TAF2: variants seen among roughly 807,000 people sequenced by gnomAD.
TAF2 encodes the protein TATA-box binding protein associated factor 2.
Under a neutral mutation model 138.5 loss-of-function variants are expected in TAF2, and 61 were observed. The observed-to-expected ratio is 0.44, with a 90% confidence interval of 0.36 to 0.54. The LOEUF is 0.54. TAF2 is among the 20% of genes least tolerant of loss of function. TAF2 has a pLI of 0.00. For missense variants in TAF2, 1,090 were observed against 1,427.9 expected (o/e 0.76, Z 3.81); for synonymous variants, 475 against 469.9 (o/e 1.01, Z -0.14).
intron 3 of TAF2, among the ~76,000 whole-genome samples, chr8:119,816,602 TAACAG>T (rs1825495168): frequency 6.6e-6 from 1 of 152,220 alleles, no homozygotes; most frequent in South Asian, 2.1e-4. Context: ...TAGAAATAAG[TAACAG>T]AAGCATCTAG....
intron 22 of TAF2, among the ~76,000 whole-genome samples, chr8:119,748,066 G>C (rs1210134015): frequency 6.6e-6 from 1 of 151,970 alleles, no homozygotes; most frequent in Non-Finnish European, 1.5e-5. Context: ...AGAGGCTGCA[G>C]TGAGCCAAGA....
chr8:119,797,839 T>C lies in TAF2; in HGVS notation c.800A>G (p.His267Arg), dbSNP rs766765578. 2 of 1,613,304 alleles carry C rather than the reference T, an allele frequency of 1.2e-6. No individual in the cohort carries two copies. The highest frequency in any genetic ancestry group is 8.5e-7 in the Non-Finnish European group (1 of 1,179,584). The stretch of plus-strand genomic sequence containing the variant: ...TGGAAGAAGTTGGGGCAAACAAAAA[T>C]GAGTAACCTGAAAAGAAGAAGCAAG... ...LVDPYMHEVTHFCLPQLLPLL... is the reference protein window; with the variant it reads ...LVDPYMHEVTRFCLPQLLPLL... The change falls in exon 7 of 26, where the codon CAT (histidine) becomes CGT (arginine). Residue 267 changes from histidine to arginine, a missense_variant. Coordinates refer to ENST00000378164, the MANE Select transcript of TAF2 (RefSeq NM_003184.4).
chr8:119,790,354 C>A (rs1389480962), intron 11 of TAF2, among the ~76,000 whole-genome samples: 1 of 151,934 alleles, frequency 6.6e-6, no homozygotes. Flanking sequence ...ATGAGAGGAT[C>A]CCTTGAGCCT....
chr8:119,809,324 G>A (rs1824876991), intron 3 of TAF2, among the ~76,000 whole-genome samples: 1 of 152,192 alleles, frequency 6.6e-6, no homozygotes, highest in Non-Finnish European at 1.5e-5. Flanking sequence ...TCACAGAACT[G>A]AAGAGAGTTA....
In TAF2 at chr8:119,787,814, A is replaced by G. The variant is rs560689604; in HGVS notation, c.1793+524T>C. On this transcript the variant is annotated intron_variant, in intron 14 of 25. Coordinates refer to ENST00000378164, the MANE Select transcript of TAF2 (RefSeq NM_003184.4). ...GTATGTTTATTGCAGCACTGTTCAC[A>G]ATAGCCAAGACTTGGAACCAACCCA... is the stretch of plus-strand genomic sequence containing the variant. 6.7e-4 allele frequency among the ~76,000 whole-genome samples: 102 copies of G among 152,336 alleles called. No homozygotes were observed. In the Middle Eastern group the frequency reaches 0.054, roughly 81 times the overall value.
In TAF2 at chr8:119,746,810, T is replaced by C. The variant is rs775366441; in HGVS notation, c.3003A>G (p.Lys1001=). The C allele has an allele frequency of 1.9e-6, 3 of 1,614,172 alleles. No individual in the cohort carries two copies. Among genetic ancestry groups the C allele is most frequent in the South Asian group, 1.1e-5 (1 of 91,090 alleles). ...TTATGGTAGGATTCAAGACAGCTTT[T>C]TTCTCCTTTAGATTAAGAACCAACC... ...ELGLVLNLKE[K]KAVLNPTIIP... Residue 1001 remains lysine (K), a synonymous_variant, in exon 23 of 26, where the codon AAA becomes AAG. Coordinates refer to ENST00000378164, the MANE Select transcript of TAF2 (RefSeq NM_003184.4).
At chr8:119,739,163 C>G (rs1819430581) in intron 25 of TAF2, among the ~76,000 whole-genome samples, 1 of 152,146 alleles carries the variant, frequency 6.6e-6, no homozygotes, top group South Asian at 2.1e-4. Context: ...AATTCCCTTG[C>G]TCCTTGTTCC....
intron 23 of TAF2, among the ~76,000 whole-genome samples, chr8:119,745,298 G>A (rs964425464): frequency 3.3e-5 from 5 of 151,682 alleles, no homozygotes; most frequent in African/African-American, 1.2e-4. Context: ...CCTGCAGTGT[G>A]AATGTGGATA....
chr8:119,795,693 A>T, intron 8 of TAF2, 62 bp from the exon 9 acceptor site: 2 of 1,402,332 alleles, frequency 1.4e-6, no homozygotes, highest in South Asian at 1.2e-5. Flanking sequence ...ATAATGTCAA[A>T]GAGGATAACG....
chr8:119,750,050 C>T (rs1820242058), intron 22 of TAF2, among the ~76,000 whole-genome samples: 1 of 152,154 alleles, frequency 6.6e-6, no homozygotes, highest in Non-Finnish European at 1.5e-5. Context: ...TCTGATCCTA[C>T]CGAAAAATCA....
rs1380538530 is a variant in TAF2 at position 119,797,625 on chromosome 8, C to T, written c.977+37G>A. 4.4e-6 allele frequency: 7 copies of T among 1,591,542 alleles called. No individual in the cohort carries two copies. The Admixed American group carries it at 6.7e-5, about 15-fold the overall frequency. On this transcript the variant is annotated intron_variant, in intron 7 of 25. Transcript: ENST00000378164. Reference sequence around the variant, plus strand: ...CAGTAAATTTTCTTCATATCATGATCTTAATTTAGGCATTTCAAATCTGAA... The same window carrying T: ...CAGTAAATTTTCTTCATATCATGATTTTAATTTAGGCATTTCAAATCTGAA...
intron 22 of TAF2, among the ~76,000 whole-genome samples, chr8:119,747,175 T>G (rs1820036349): frequency 6.6e-6 from 1 of 152,220 alleles, no homozygotes; most frequent in Non-Finnish European, 1.5e-5. Context: ...ATTCATTCAT[T>G]CTCTGTTCAT....
chr8:119,762,364 C>A (rs1016988996), intron 19 of TAF2, 51 bp downstream of exon 19: 7 of 1,543,032 alleles, frequency 4.5e-6, no homozygotes, highest in Admixed American at 3.5e-5. Flanking sequence ...AAATAAATTT[C>A]TTTTACAGTT....
intron 25 of TAF2, among the ~76,000 whole-genome samples, chr8:119,735,640 A>G (rs953249663): frequency 1.3e-5 from 2 of 152,220 alleles, no homozygotes; most frequent in African/African-American, 4.8e-5. Flanking sequence ...TAAAAGCTAA[A>G]CATATTATTT....
intron 20 of TAF2, among the ~76,000 whole-genome samples, chr8:119,758,763 C>A (rs964824117): frequency 5.9e-5 from 9 of 152,100 alleles, no homozygotes; most frequent in African/African-American, 2.2e-4. Context: ...CAATACTTTT[C>A]ATTTCTTCCA....
chr8:119,767,204 G>C (rs1821491981), intron 18 of TAF2: 1 of 152,174 alleles, frequency 6.6e-6, no homozygotes, highest in African/African-American at 2.4e-5. Flanking sequence ...TGAGGTTCCG[G>C]TTCAAGATGG....
chr8:119,777,926 G>T (rs1822371661), intron 18 of TAF2, 93 bp downstream of exon 18: 2 of 685,682 alleles, frequency 2.9e-6, no homozygotes, highest in African/African-American at 3.7e-5. Context: ...TATTTATTTA[G>T]AAACAAAATA....
At chr8:119,782,675 T>C (rs1170469250) in intron 16 of TAF2, among the ~76,000 whole-genome samples, 1 of 152,206 alleles carries the variant, frequency 6.6e-6, no homozygotes, top group Non-Finnish European at 1.5e-5. Flanking sequence ...ATTTTTCTGA[T>C]TTTCATTTGT....
intron 21 of TAF2, among the ~76,000 whole-genome samples, chr8:119,757,860 C>T (rs1047309829): frequency 6.6e-6 from 1 of 151,834 alleles, no homozygotes; most frequent in African/African-American, 2.4e-5. Context: ...CGTGCCACTG[C>T]ACTCCAGCCT....
Sources: gnomAD v4.1 joint callset for allele counts (sites outside exome capture counted in the v4.1 genomes callset) on GRCh38, gnomAD v4.1.1 for gene constraint, MANE v1.5 for transcripts, NCBI Gene and HGNC (gene_info 2026-07-23, HGNC 2026-07-21) for gene names.